SYK: variants seen among roughly 807,000 people sequenced by gnomAD.
SYK encodes tyrosine-protein kinase SYK.
A neutral mutation model predicts 77.8 loss-of-function variants in SYK; 16 were observed. That is an observed-to-expected ratio of 0.21 (90% CI 0.14 to 0.31). SYK has a LOEUF of 0.31. SYK is among the 10% of genes least tolerant of loss of function. SYK has a pLI of 1.00. For missense variants in SYK, 529 were observed against 814.4 expected (o/e 0.65, Z 4.26); for synonymous variants, 312 against 308.7 (o/e 1.01, Z -0.11).
chr9:90,840,337 C>T (rs1587843495), intron 1 of SYK, among the ~76,000 whole-genome samples: 1 of 151,958 alleles, frequency 6.6e-6, no homozygotes, highest in Non-Finnish European at 1.5e-5. Flanking sequence ...ACGTGCTGGG[C>T]TGCAGGGGAA....
intron 7 of SYK, among the ~76,000 whole-genome samples, chr9:90,868,663 A>T (rs1306647959): frequency 6.6e-6 from 1 of 152,214 alleles, no homozygotes; most frequent in African/African-American, 2.4e-5. Context: ...ATGGTGCTTA[A>T]CTGTGTCCAC....
intron 7 of SYK, among the ~76,000 whole-genome samples, chr9:90,872,557 G>A (rs1253670163): frequency 6.6e-6 from 1 of 152,216 alleles, no homozygotes; most frequent in Non-Finnish European, 1.5e-5. Context: ...GTTTTCCAGA[G>A]GCAGGATAAT....
At chr9:90,829,454 TTCA>T (rs1564077455) in intron 1 of SYK, among the ~76,000 whole-genome samples, 1 of 152,156 alleles carries the variant, frequency 6.6e-6, no homozygotes, top group Non-Finnish European at 1.5e-5. Flanking sequence ...CATGTGAGCT[TTCA>T]TGAGCCAGAG....
chr9:90,853,152 A>G (rs1826883323), intron 3 of SYK, among the ~76,000 whole-genome samples: 1 of 150,950 alleles, frequency 6.6e-6, no homozygotes, highest in African/African-American at 2.4e-5. Context: ...CTGGCTGCTA[A>G]CTTGAATGGT....
intron 1 of SYK, among the ~76,000 whole-genome samples, chr9:90,811,078 T>C (rs1450062495): frequency 3.3e-5 from 5 of 152,190 alleles, no homozygotes; most frequent in Non-Finnish European, 2.9e-5. Flanking sequence ...TAGGTGAGTT[T>C]TAAAATAATT....
In SYK at chr9:90,812,841, G is replaced by A. The variant is rs138305007; in HGVS notation, c.-42+10948G>A. 4.9e-4 allele frequency among the ~76,000 whole-genome samples: 74 copies of A among 151,274 alleles called. 1 individual carries two copies. The East Asian group carries it at 0.014, about 28-fold the overall frequency. On this transcript the variant is annotated intron_variant, in intron 1 of 13. Coordinates refer to ENST00000375754, the MANE Select transcript of SYK (RefSeq NM_003177.7). ...TCTGTTGCGAACAGTCCTTTCCACG[G>A]GAACTTATATTCTCCTAAGGTTTGC... is the stretch of plus-strand genomic sequence containing the variant.
chr9:90,830,581 C>CTTTTT (rs57804863), intron 1 of SYK, among the ~76,000 whole-genome samples: 1 of 111,558 alleles, frequency 9.0e-6, no homozygotes, highest in Non-Finnish European at 1.7e-5. Context: ...ACTCATTCCT[C>CTTTTT]TTTTTTTTTT....
chr9:90,878,679 C>G, intron 10 of SYK, 85 bp from the exon 11 acceptor site: 1 of 1,158,410 alleles, frequency 8.6e-7, no homozygotes, highest in Non-Finnish European at 1.3e-6. Flanking sequence ...AGTAGATTCA[C>G]CCACTGCCTG....
In SYK at chr9:90,861,759, G is replaced by C. The variant is rs1827274545; in HGVS notation, c.579-447G>C. Among the ~76,000 whole-genome samples the C allele has an allele frequency of 2.6e-5, 4 of 152,318 alleles. No homozygotes were observed. The South Asian group carries it at 8.3e-4, about 32-fold the overall frequency. On this transcript the variant is annotated intron_variant, in intron 3 of 13. Transcript: ENST00000375754. ...CACCCACACTCCAAGCTAGGTGGTA[G>C]AGCTGTCCATCTTGGATCTAACCCA...
chr9:90,847,194 G>A (rs1826632469), intron 3 of SYK, among the ~76,000 whole-genome samples: 1 of 152,188 alleles, frequency 6.6e-6, no homozygotes, highest in African/African-American at 2.4e-5. Context: ...TTCCCTATCT[G>A]CCCTGTACAG....
At chr9:90,804,015 C>G (rs1196425207) in intron 1 of SYK, among the ~76,000 whole-genome samples, 1 of 133,984 alleles carries the variant, frequency 7.5e-6, no homozygotes, top group African/African-American at 2.6e-5. Context: ...CTAAGACTTA[C>G]CAAAAAAAAA....
At chr9:90,837,730 C>T (rs1007162516) in intron 1 of SYK, among the ~76,000 whole-genome samples, 2 of 152,186 alleles carry the variant, frequency 1.3e-5, no homozygotes, top group Admixed American at 1.3e-4. Context: ...ATGGCGGTGG[C>T]TTCCACGAGG....
At chr9:90,859,809 G>C (rs1431787928) in intron 3 of SYK, among the ~76,000 whole-genome samples, 1 of 152,192 alleles carries the variant, frequency 6.6e-6, no homozygotes, top group Non-Finnish European at 1.5e-5. Flanking sequence ...GTACTTCCCT[G>C]GGGTCTTCAT....
At chr9:90,821,257 C>T (rs1474243765) in intron 1 of SYK, among the ~76,000 whole-genome samples, 1 of 152,214 alleles carries the variant, frequency 6.6e-6, no homozygotes, top group Non-Finnish European at 1.5e-5. Context: ...GTCACTTCCA[C>T]ATTTTGGAGT....
Position 90,887,801 on chromosome 9 carries a change from A to G in SYK, c.1634A>G (p.Asn545Ser). ...PVKWYAPECI[N>S]YYKFSSKSDV... ...AAGTGGTACGCTCCGGAATGCATCA[A>G]CTACTACAAGTTCTCCAGCAAAAGC... The change falls in exon 12 of 14, where the codon AAC (asparagine) becomes AGC (serine). Residue 545 changes from asparagine (N) to serine (S), a missense_variant. By Grantham distance (46) the Asn-to-Ser change is conservative (BLOSUM62 1). Transcript: ENST00000375754. 6.2e-7 allele frequency: 1 copy of G among 1,613,800 alleles called. No individual in the cohort carries two copies. Among genetic ancestry groups the G allele is most frequent in the Non-Finnish European group, 8.5e-7 (1 of 1,179,864 alleles).
intron 3 of SYK, among the ~76,000 whole-genome samples, chr9:90,860,996 TGC>T: frequency 6.6e-6 from 1 of 152,192 alleles, no homozygotes; most frequent in South Asian, 2.1e-4. Flanking sequence ...TTTTAGAAAA[TGC>T]AGGGGCCAAA....
chr9:90,815,670 C>T (rs997444859), intron 1 of SYK, among the ~76,000 whole-genome samples: 3 of 152,210 alleles, frequency 2.0e-5, no homozygotes, highest in Non-Finnish European at 4.4e-5. Context: ...AAAATTGATA[C>T]GTCTAAACAT....
At chr9:90,861,681 C>T (rs1044268374) in intron 3 of SYK, among the ~76,000 whole-genome samples, 1 of 152,142 alleles carries the variant, frequency 6.6e-6, no homozygotes, top group Non-Finnish European at 1.5e-5. Context: ...GCTTCCATAA[C>T]CCTCCATCTC....
chr9:90,859,739 A>G (rs1827179048), intron 3 of SYK, among the ~76,000 whole-genome samples: 1 of 152,074 alleles, frequency 6.6e-6, no homozygotes, highest in South Asian at 2.1e-4. Context: ...GCTGCTCCCC[A>G]CTCTCAGTAG....
Sources: gnomAD v4.1 joint callset for allele counts (sites outside exome capture counted in the v4.1 genomes callset) on GRCh38, gnomAD v4.1.1 for gene constraint, MANE v1.5 for transcripts, NCBI Gene and HGNC (gene_info 2026-07-23, HGNC 2026-07-21) for gene names.